ITCH: variants seen among roughly 807,000 people sequenced by gnomAD.
The protein encoded by ITCH is itchy E3 ubiquitin protein ligase.
ITCH carries 28 observed loss-of-function variants against 126.8 expected under a neutral mutation model. The ratio of observed to expected loss-of-function variants is 0.22; its 90% confidence interval spans 0.16 to 0.30. The LOEUF is 0.30. Among genes scored for constraint, ITCH ranks in the 10% least tolerant of loss-of-function variants. The probability of loss-of-function intolerance (pLI) is 1.00; values close to 1 mark genes in which losing one functional copy is unlikely to be tolerated. For synonymous variants in ITCH, 342 were observed against 340.0 expected (o/e 1.01, Z -0.06); for missense variants, 631 against 1,032.4 (o/e 0.61, Z 5.33).
intron 20 of ITCH, among the ~76,000 whole-genome samples, chr20:34,483,484 C>T (rs1433551203): frequency 6.6e-6 from 1 of 152,188 alleles, no homozygotes; most frequent in African/African-American, 2.4e-5. Context: ...TACAAATCCA[C>T]CAGTCTCTAG....
At chr20:34,405,198 A>G (rs1174683961) in intron 3 of ITCH, among the ~76,000 whole-genome samples, 1 of 151,864 alleles carries the variant, frequency 6.6e-6, no homozygotes, top group Non-Finnish European at 1.5e-5. Flanking sequence ...TTATGTAGCA[A>G]AATTGCTTTC....
intron 14 of ITCH, among the ~76,000 whole-genome samples, 195 bp from the exon 15 acceptor site, chr20:34,469,853 G>T (rs1987453170): frequency 6.6e-6 from 1 of 152,082 alleles, no homozygotes; most frequent in South Asian, 2.1e-4. Context: ...AAAGTTTTTT[G>T]TTTGTTTTTT....
chr20:34,427,581 C>CA (rs1185682930), intron 7 of ITCH, among the ~76,000 whole-genome samples: 7 of 151,960 alleles, frequency 4.6e-5, no homozygotes, highest in Admixed American at 3.3e-4. Flanking sequence ...CCACTGTACT[C>CA]AGAGTGATGA....
intron 2 of ITCH, among the ~76,000 whole-genome samples, chr20:34,391,146 A>G (rs1016436416): frequency 6.6e-6 from 1 of 152,194 alleles, no homozygotes; most frequent in African/African-American, 2.4e-5. Context: ...AGTGTGGATT[A>G]TCTATTTTTT....
intron 14 of ITCH, 82 bp from the exon 15 acceptor site, chr20:34,469,966 G>C: frequency 5.0e-6 from 5 of 1,006,936 alleles, no homozygotes; most frequent in Non-Finnish European, 8.0e-6. Flanking sequence ...AGTGCTGAGA[G>C]AGGGTGGGAT....
intron 2 of ITCH, among the ~76,000 whole-genome samples, chr20:34,390,788 T>C (rs1156999949): frequency 1.8e-4 from 27 of 150,128 alleles, no homozygotes; most frequent in African/African-American, 6.4e-4. Flanking sequence ...GAGATGGAGT[T>C]TTGCTCCTGT....
intron 3 of ITCH, among the ~76,000 whole-genome samples, chr20:34,405,544 C>G (rs1177912436): frequency 1.3e-5 from 2 of 151,922 alleles, no homozygotes; most frequent in East Asian, 3.9e-4. Flanking sequence ...AAAGCCCCAA[C>G]AGGGGCAGAT....
chr20:34,429,740 T>A (rs1982034558), intron 7 of ITCH, among the ~76,000 whole-genome samples: 2 of 152,054 alleles, frequency 1.3e-5, no homozygotes, highest in Non-Finnish European at 2.9e-5. Flanking sequence ...CTGCTTTGAA[T>A]CTTGTTTTTT....
At chr20:34,424,360 G>A in intron 6 of ITCH, 120 bp from the exon 7 acceptor site, 2 of 789,266 alleles carry the variant, frequency 2.5e-6, no homozygotes, top group East Asian at 5.0e-5. Context: ...TTAAGTTATA[G>A]TATGTTCTTT....
chr20:34,384,443 G>T (rs2038195906), intron 2 of ITCH, among the ~76,000 whole-genome samples: 1 of 151,722 alleles, frequency 6.6e-6, no homozygotes, highest in Non-Finnish European at 1.5e-5. Context: ...ACCATGTCCA[G>T]CTCATTTTTG....
intron 16 of ITCH, chr20:34,475,940 A>G: frequency 7.0e-7 from 1 of 1,427,718 alleles, no homozygotes; most frequent in Non-Finnish European, 9.9e-7. Context: ...GGTCTTGCCC[A>G]CATCAATGGA....
In ITCH at chr20:34,480,737, GTT is replaced by G; in HGVS notation, c.1952+7_1952+8del. The G allele has an allele frequency of 6.3e-7, 1 of 1,594,488 alleles. No individual in the cohort carries two copies. The highest frequency in any genetic ancestry group is 2.2e-5 in the East Asian group (1 of 44,672). ...CAATTCTCTCATCTGGGTTAAGTAA[GTT>G]TCTTTTTCCATGTAATTTATTAAAA... On this transcript the variant is annotated splice_donor_region_variant and intron_variant, in intron 19 of 24. Transcript: ENST00000374864.
At chr20:34,403,224 G>A (rs1465087804) in intron 3 of ITCH, among the ~76,000 whole-genome samples, 1 of 152,034 alleles carries the variant, frequency 6.6e-6, no homozygotes, top group East Asian at 1.9e-4. Flanking sequence ...TCCAAAGTAG[G>A]TTGGATAAGC....
rs531669826 is a variant in ITCH at position 34,453,951 on chromosome 20, G to A, written c.1211-3439G>A. The stretch of plus-strand genomic sequence containing the variant: ...CGAGGCTGCAGTGAGCTGAGATCGC[G>A]CCACTGCACTCCAGTCCAGCCTGGG... On this transcript the variant is annotated intron_variant, in intron 12 of 24. Coordinates refer to ENST00000374864, the MANE Select transcript of ITCH (RefSeq NM_031483.7). 6.6e-5 allele frequency among the ~76,000 whole-genome samples: 10 copies of A among 150,534 alleles called. No individual in the cohort carries two copies. In the South Asian group the frequency reaches 8.5e-4, roughly 13 times the overall value.
chr20:34,436,002 T>C (rs1982957169), intron 7 of ITCH, among the ~76,000 whole-genome samples: 1 of 152,288 alleles, frequency 6.6e-6, no homozygotes, highest in Non-Finnish European at 1.5e-5. Flanking sequence ...TAAGGAGTTG[T>C]ACGGGTTATC....
chr20:34,434,134 G>C (rs11699564), intron 7 of ITCH, among the ~76,000 whole-genome samples: 8,859 of 152,062 alleles, frequency 0.058, 344 homozygotes, highest in Non-Finnish European at 0.087. Flanking sequence ...AAAATTAGCT[G>C]GGTATGGTGG....
intron 6 of ITCH, among the ~76,000 whole-genome samples, chr20:34,421,692 C>T (rs1601861097): frequency 6.6e-6 from 1 of 152,088 alleles, no homozygotes; most frequent in African/African-American, 2.4e-5. Flanking sequence ...GTTATGGCTT[C>T]ACTTTATATT....
intron 23 of ITCH, 38 bp downstream of exon 23, chr20:34,492,635 G>T: frequency 7.7e-7 from 1 of 1,303,504 alleles, no homozygotes; most frequent in Non-Finnish European, 1.1e-6. Context: ...ACAGAAAATT[G>T]TTTATCATGC....
chr20:34,491,308 C>T (rs1361546755), intron 22 of ITCH, among the ~76,000 whole-genome samples: 1 of 152,126 alleles, frequency 6.6e-6, no homozygotes, highest in Non-Finnish European at 1.5e-5. Context: ...CACAAACGGA[C>T]AAATACTGTA....
Sources: allele counts gnomAD v4.1 joint callset (sites outside exome capture counted in the v4.1 genomes callset), GRCh38; gene constraint gnomAD v4.1.1; transcripts MANE v1.5; gene names NCBI Gene and HGNC (gene_info 2026-07-23, HGNC 2026-07-21).